ARFGEF3: variants seen among roughly 807,000 people sequenced by gnomAD.
The protein encoded by ARFGEF3 is brefeldin A-inhibited guanine nucleotide-exchange protein 3.
Under a neutral mutation model 221.7 loss-of-function variants are expected in ARFGEF3, and 96 were observed. The ratio of observed to expected loss-of-function variants is 0.43; its 90% confidence interval spans 0.37 to 0.51. ARFGEF3 has a LOEUF of 0.51. Among genes scored for constraint, ARFGEF3 ranks in the 20% least tolerant of loss-of-function variants. The pLI, the probability that ARFGEF3 is intolerant of heterozygous loss-of-function variation, is 0.00. For synonymous variants in ARFGEF3, 1,145 were observed against 1,126.8 expected (o/e 1.02, Z -0.32); for missense variants, 2,410 against 2,789.9 (o/e 0.86, Z 3.07).
At position 138,339,649 on chromosome 6, in the gene ARFGEF3, G is replaced by A. The variant is rs1338586834; in HGVS notation, c.*3163G>A. 1 of 152,194 alleles carries A rather than the reference G, an allele frequency of 6.6e-6. No individual in the cohort carries two copies. Among genetic ancestry groups the A allele is most frequent in the Non-Finnish European group, 1.5e-5 (1 of 68,052 alleles). The allele number at this position is 152,194 out of a possible 1,614,324, so 9.4% of individuals were successfully genotyped here. ...CCTGGACTGATGATGGCCCAGCCAA[G>A]TATATGGAGGGACAGAGTTCTCTCT... On this transcript the variant is annotated 3_prime_UTR_variant, in exon 34 of 34. Transcript: ENST00000251691.
In ARFGEF3 at chr6:138,342,561, T is replaced by C. The variant is rs890402077; in HGVS notation, c.*6075T>C. ...CTTCTTGTCTTTGTATTTAGAAACATTGATTCTATGGATGATCATTTGTAT... is the reference window on the plus strand; with the variant it reads ...CTTCTTGTCTTTGTATTTAGAAACACTGATTCTATGGATGATCATTTGTAT... On this transcript the variant is annotated 3_prime_UTR_variant, in exon 34 of 34. Transcript: ENST00000251691. 5 of 152,218 alleles carry C rather than the reference T, an allele frequency of 3.3e-5. No homozygotes were observed. The highest frequency in any genetic ancestry group is 9.7e-5 in the African/African-American group (4 of 41,446). 9.4% of individuals were successfully genotyped at this position (152,218 alleles called of 1,614,324 possible). A position where few individuals can be genotyped will look rare whatever the true frequency, so the allele number is the denominator to read the frequency against.
Position 138,341,398 on chromosome 6 carries a change from T to C in ARFGEF3, c.*4912T>C, listed in dbSNP as rs934071517. On this transcript the variant is annotated 3_prime_UTR_variant, in exon 34 of 34. Coordinates refer to ENST00000251691, the MANE Select transcript of ARFGEF3 (RefSeq NM_020340.5). ...TCCATAGTAACCATGTGCCATAACA[T>C]CTACACATTTCCACTTGTTTTACAG... 3.2e-5 allele frequency: 5 copies of C among 154,854 alleles called. No homozygotes were observed. Among genetic ancestry groups the C allele is most frequent in the African/African-American group, 1.2e-4 (5 of 41,526 alleles). The allele number at this position is 154,854 out of a possible 1,614,324, so 9.6% of individuals were successfully genotyped here. A position where few individuals can be genotyped will look rare whatever the true frequency, so the allele number is the denominator to read the frequency against.
At chr6:138,261,677 CT>C in intron 11 of ARFGEF3, 38 bp downstream of exon 11, 2 of 1,267,814 alleles carry the variant, frequency 1.6e-6, no homozygotes, top group South Asian at 1.7e-5. Flanking sequence ...ATTGAGGCTG[CT>C]TTTCTGAAGA....
chr6:138,228,597 A>C (rs1459399769), intron 4 of ARFGEF3, among the ~76,000 whole-genome samples: 2 of 151,412 alleles, frequency 1.3e-5, no homozygotes, highest in Non-Finnish European at 3.0e-5. Context: ...TAAATATGGC[A>C]AAAAAAAATC....
intron 12 of ARFGEF3, among the ~76,000 whole-genome samples, chr6:138,273,572 G>A (rs990060347): frequency 6.6e-6 from 1 of 152,214 alleles, no homozygotes; most frequent in African/African-American, 2.4e-5. Context: ...ATCTACTAGA[G>A]AGGTACAGGA....
chr6:138,208,283 A>G (rs946445238), intron 3 of ARFGEF3, among the ~76,000 whole-genome samples: 4 of 152,114 alleles, frequency 2.6e-5, no homozygotes, highest in African/African-American at 9.7e-5. Flanking sequence ...AACTTTAGGC[A>G]TATTTTTAGA....
At chr6:138,235,355 G>A (rs774042865) in intron 5 of ARFGEF3, among the ~76,000 whole-genome samples, 2 of 152,196 alleles carry the variant, frequency 1.3e-5, no homozygotes, top group Non-Finnish European at 2.9e-5. Context: ...GTGATCAGGT[G>A]CCTATAGGGC....
In ARFGEF3 at chr6:138,197,126, C is replaced by T. The variant is rs1420760758; in HGVS notation, c.138-9916C>T. ...GGGATTACAGGCATGAGCCGCCATG[C>T]CCGGCCTTTAAGCTTTATTTTTTAA... On this transcript the variant is annotated intron_variant, in intron 2 of 33. Coordinates refer to ENST00000251691, the MANE Select transcript of ARFGEF3 (RefSeq NM_020340.5). Among the ~76,000 whole-genome samples, 4 of 152,258 alleles carry T rather than the reference C, an allele frequency of 2.6e-5. No homozygotes were observed. In the East Asian group the frequency reaches 7.7e-4, roughly 29 times the overall value.
At chr6:138,285,347 A>C (rs1178762708) in intron 14 of ARFGEF3, among the ~76,000 whole-genome samples, 1 of 151,494 alleles carries the variant, frequency 6.6e-6, no homozygotes, top group Non-Finnish European at 1.5e-5. Flanking sequence ...GCTACTCGGG[A>C]GGCTGAGGCA....
intron 13 of ARFGEF3, among the ~76,000 whole-genome samples, chr6:138,279,038 C>T (rs754663160): frequency 6.6e-6 from 1 of 151,972 alleles, no homozygotes. Flanking sequence ...TGAGACAGAG[C>T]CCCGCTTTGT....
At chr6:138,235,187 TC>T (rs1174884400) in intron 5 of ARFGEF3, among the ~76,000 whole-genome samples, 1 of 152,220 alleles carries the variant, frequency 6.6e-6, no homozygotes, top group Non-Finnish European at 1.5e-5. Context: ...TTGTTCTTTT[TC>T]CTTCTACTTT....
chr6:138,321,091 G>T lies in ARFGEF3; in HGVS notation c.4652-20G>T, dbSNP rs761479110. Reference sequence around the variant, plus strand: ...TTACACTAGAGCTGTGTGAAACTGTGATTTTGCTGTTTCCCATAGATATCA... The same window carrying T: ...TTACACTAGAGCTGTGTGAAACTGTTATTTTGCTGTTTCCCATAGATATCA... On this transcript the variant is annotated intron_variant, in intron 28 of 33. Coordinates refer to ENST00000251691, the MANE Select transcript of ARFGEF3 (RefSeq NM_020340.5). 2 of 1,432,516 alleles carry T rather than the reference G, an allele frequency of 1.4e-6. No individual in the cohort carries two copies. The highest frequency in any genetic ancestry group is 1.9e-6 in the Non-Finnish European group (2 of 1,037,938). The allele number at this position is 1,432,516 out of a possible 1,614,324, so 88.7% of individuals were successfully genotyped here. A position where few individuals can be genotyped will look rare whatever the true frequency, so the allele number is the denominator to read the frequency against.
rs1158676774 is a variant in ARFGEF3, at chr6:138,210,023, G to A, written c.333G>A (p.Leu111=). The A allele has an allele frequency of 1.2e-6, 2 of 1,613,740 alleles. No homozygotes were observed. The highest frequency in any genetic ancestry group is 1.7e-6 in the Non-Finnish European group (2 of 1,179,744). ...VKVTPSLNED[L]QVEVMKVLLC... is the part of the protein sequence containing the mutation. ...TGACGCCTTCGCTCAACGAGGACCT[G>A]CAGGTGGAAGTGATGAAGGTTGGTT... The change falls in exon 4 of 34, where the codon CTG becomes CTA. Residue 111 remains leucine, a synonymous_variant. Coordinates refer to ENST00000251691, the MANE Select transcript of ARFGEF3 (RefSeq NM_020340.5).
At chr6:138,293,106 C>G (rs1404317506) in intron 19 of ARFGEF3, among the ~76,000 whole-genome samples, 1 of 152,200 alleles carries the variant, frequency 6.6e-6, no homozygotes, top group African/African-American at 2.4e-5. Context: ...TTTCCTCTTT[C>G]AAGAAGGACT....
intron 4 of ARFGEF3, among the ~76,000 whole-genome samples, chr6:138,220,843 T>G (rs896076731): frequency 2.0e-5 from 3 of 152,244 alleles, no homozygotes; most frequent in African/African-American, 7.2e-5. Flanking sequence ...AGATCTCATC[T>G]TGACCAACTA....
intron 2 of ARFGEF3, among the ~76,000 whole-genome samples, chr6:138,193,062 G>T (rs1470548672): frequency 6.6e-6 from 1 of 152,136 alleles, no homozygotes; most frequent in East Asian, 1.9e-4. Context: ...TAGTTTCTCT[G>T]AATGGTATGC....
At chr6:138,245,662 T>C in intron 8 of ARFGEF3, 71 bp downstream of exon 8, 1 of 1,106,180 alleles carries the variant, frequency 9.0e-7, no homozygotes, top group Non-Finnish European at 1.4e-6. Context: ...GTCTGCAGCA[T>C]CACTTCAAAT....
intron 2 of ARFGEF3, among the ~76,000 whole-genome samples, chr6:138,183,902 G>T (rs556570136): frequency 6.6e-6 from 1 of 152,178 alleles, no homozygotes; most frequent in Non-Finnish European, 1.5e-5. Flanking sequence ...CCCTGTGAGT[G>T]CTCAGCATGT....
chr6:138,259,195 G>A (rs1261439161), intron 10 of ARFGEF3, among the ~76,000 whole-genome samples: 1 of 152,200 alleles, frequency 6.6e-6, no homozygotes, highest in East Asian at 1.9e-4. Flanking sequence ...AATGTGCAGG[G>A]CTTGTGCACA....
Sources: gnomAD v4.1 joint callset for allele counts (sites outside exome capture counted in the v4.1 genomes callset) on GRCh38, gnomAD v4.1.1 for gene constraint, MANE v1.5 for transcripts, NCBI Gene and HGNC (gene_info 2026-07-23, HGNC 2026-07-21) for gene names.